Variants in ANKRD29 observed in about 807,000 individuals in gnomAD.
The protein encoded by ANKRD29 is ankyrin repeat domain 29.
A neutral mutation model predicts 38.0 loss-of-function variants in ANKRD29; 32 were observed. The ratio of observed to expected loss-of-function variants is 0.84; its 90% CI spans 0.64 to 1.13. The LOEUF (loss-of-function observed/expected upper bound fraction) is 1.13, where lower values mean the gene tolerates loss of function less well. Among genes scored for constraint, ANKRD29 ranks in the 50% most tolerant of loss-of-function variants. The pLI is 0.00. For missense variants in ANKRD29, 357 were observed against 377.9 expected (o/e 0.94, Z 0.46); for synonymous variants, 135 against 152.4 (o/e 0.89, Z 0.84).
intron 2 of ANKRD29, 160 bp from the exon 3 acceptor site, chr18:23,646,447 C>A (rs2060141727): frequency 5.9e-6 from 3 of 512,326 alleles, no homozygotes; most frequent in South Asian, 6.7e-5. Flanking sequence ...CATCATGCAG[C>A]CTAGATGGGA....
At chr18:23,635,870 C>T (rs1289423052) in intron 4 of ANKRD29, among the ~76,000 whole-genome samples, 1 of 152,090 alleles carries the variant, frequency 6.6e-6, no homozygotes, top group East Asian at 1.9e-4. Context: ...AGTGCTTCCC[C>T]AGAGGCAGGC....
chr18:23,650,638 C>G (rs1247970244), intron 1 of ANKRD29, among the ~76,000 whole-genome samples: 1 of 152,148 alleles, frequency 6.6e-6, no homozygotes, highest in African/African-American at 2.4e-5. Context: ...ACAGCTCACC[C>G]CAGCCCTGCA....
intron 4 of ANKRD29, 144 bp from the exon 5 acceptor site, chr18:23,634,293 T>G (rs1450131498): frequency 6.5e-6 from 3 of 462,846 alleles, no homozygotes; most frequent in South Asian, 2.7e-5. Flanking sequence ...TTTTTTTTTT[T>G]TTTTTTTTTT....
chr18:23,655,331 G>A (rs1480521150), intron 1 of ANKRD29, among the ~76,000 whole-genome samples: 1 of 152,038 alleles, frequency 6.6e-6, no homozygotes, highest in African/African-American at 2.4e-5. Flanking sequence ...TTAAAATATA[G>A]TTCATAAGAT....
At chr18:23,650,596 C>T (rs1405673588) in intron 1 of ANKRD29, among the ~76,000 whole-genome samples, 1 of 152,146 alleles carries the variant, frequency 6.6e-6, no homozygotes, top group Non-Finnish European at 1.5e-5. Context: ...AGAGAACAGT[C>T]GACGAGAGGG....
At chr18:23,615,621 A>G (rs951063205) in intron 8 of ANKRD29, among the ~76,000 whole-genome samples, 10 of 151,890 alleles carry the variant, frequency 6.6e-5, no homozygotes, top group Non-Finnish European at 1.3e-4. Flanking sequence ...TATGTTGCCC[A>G]GGCTGGTTTG....
intron 6 of ANKRD29, among the ~76,000 whole-genome samples, chr18:23,627,469 G>GA (rs2059876058): frequency 6.6e-6 from 1 of 152,156 alleles, no homozygotes; most frequent in Non-Finnish European, 1.5e-5. Flanking sequence ...TCTTGAGGAA[G>GA]AAAAAACAGC....
intron 5 of ANKRD29, among the ~76,000 whole-genome samples, chr18:23,633,823 C>A (rs1307853473): frequency 6.6e-6 from 1 of 152,092 alleles, no homozygotes; most frequent in East Asian, 1.9e-4. Flanking sequence ...CCCACCTCGG[C>A]CTCCCAAAGT....
chr18:23,641,767 C>T lies in ANKRD29; in HGVS notation c.232-2820G>A, dbSNP rs112694118. On this transcript the variant is annotated intron_variant, in intron 3 of 9. Coordinates refer to ENST00000592179, the MANE Select transcript of ANKRD29 (RefSeq NM_173505.4). ...AGCCAGATTCAAAAAGATGTCCCGACTACCAGCTGCTGGAAGGATCTACCC... is the reference window on the plus strand; with the variant it reads ...AGCCAGATTCAAAAAGATGTCCCGATTACCAGCTGCTGGAAGGATCTACCC... 4.4e-3 allele frequency among the ~76,000 whole-genome samples: 670 copies of T among 152,350 alleles called. 6 individuals are homozygous for T. Among genetic ancestry groups the T allele is most frequent in the African/African-American group, 0.014 (572 of 41,586 alleles).
At chr18:23,619,864 C>T (rs2059774361) in intron 6 of ANKRD29, 3 of 481,284 alleles carry the variant, frequency 6.2e-6, no homozygotes, top group African/African-American at 6.1e-5. Context: ...TGAATAATTG[C>T]CAGTATTCAA....
At chr18:23,641,812 C>T in intron 3 of ANKRD29, among the ~76,000 whole-genome samples, 1 of 152,252 alleles carries the variant, frequency 6.6e-6, no homozygotes, top group Admixed American at 6.5e-5. Context: ...CTCCTGTCCA[C>T]TGAGAGCAGG....
intron 6 of ANKRD29, among the ~76,000 whole-genome samples, chr18:23,628,825 C>T (rs1008688136): frequency 5.3e-5 from 6 of 112,362 alleles, no homozygotes; most frequent in South Asian, 6.3e-4. Flanking sequence ...CAGAGCAAGA[C>T]GCTGTCTCAA....
chr18:23,632,080 C>T (rs934962242), intron 5 of ANKRD29, among the ~76,000 whole-genome samples: 3 of 152,156 alleles, frequency 2.0e-5, no homozygotes, highest in African/African-American at 4.8e-5. Flanking sequence ...TTTCAGTGGG[C>T]GTCAGCAGAG....
chr18:23,634,893 C>T (rs1349639237), intron 4 of ANKRD29, among the ~76,000 whole-genome samples: 1 of 152,198 alleles, frequency 6.6e-6, no homozygotes, highest in Non-Finnish European at 1.5e-5. Flanking sequence ...TGTGATGTAA[C>T]CCAGTGGTAA....
Position 23,634,121 on chromosome 18 carries a change from C to A in ANKRD29, c.359G>T (p.Ser120Ile), listed in dbSNP as rs772760848. 1 of 1,614,200 alleles carries A rather than the reference C, an allele frequency of 6.2e-7. No individual in the cohort carries two copies. Among genetic ancestry groups the A allele is most frequent in the Admixed American group, 1.7e-5 (1 of 60,030 alleles). ...KDGGTALLAA[S>I]QYGHMQVVET... ...CACCACCTGCATGTGCCCGTACTGA[C>A]TGGCAGCCAACAGGGCGGTGCCCCC... The change falls in exon 5 of 10, where the codon AGT becomes ATT. Residue 120 changes from serine (S) to isoleucine (I), a missense_variant. Physicochemically the swap from Ser to Ile is moderately radical, Grantham distance 142. Transcript: ENST00000592179.
chr18:23,609,578 G>C (rs1407181532), intron 9 of ANKRD29, among the ~76,000 whole-genome samples: 4 of 152,198 alleles, frequency 2.6e-5, no homozygotes, highest in Non-Finnish European at 5.9e-5. Flanking sequence ...GGTTACACTT[G>C]CTTGGATTCA....
chr18:23,649,128 C>T lies in ANKRD29; in HGVS notation c.87G>A (p.Lys29=), dbSNP rs1422351873. Residue 29 remains lysine, a synonymous_variant, in exon 2 of 10, where the codon AAG becomes AAA. Coordinates refer to ENST00000592179, the MANE Select transcript of ANKRD29 (RefSeq NM_173505.4). ...CCACCCGGCCGCTGTTCAACAGCAG[C>T]TTCAGCAGCGCCAGGTTTCCTCTCC... The part of the protein sequence containing the change: ...AARRGNLALL[K]LLLNSGRVDV... 1 of 1,614,218 alleles carries T rather than the reference C, an allele frequency of 6.2e-7. No individual in the cohort carries two copies. The highest frequency in any genetic ancestry group is 1.7e-5 in the Admixed American group (1 of 60,030).
intron 3 of ANKRD29, among the ~76,000 whole-genome samples, chr18:23,643,492 ATAGGCTTTCTTG>A (rs1174072154): frequency 1.3e-5 from 2 of 152,232 alleles, no homozygotes; most frequent in African/African-American, 4.8e-5. Flanking sequence ...TTGCTTTTCA[ATAGGCTTTCTTG>A]GTACATTAAT....
At chr18:23,627,544 C>A (rs76162671) in intron 6 of ANKRD29, among the ~76,000 whole-genome samples, 3 of 152,118 alleles carry the variant, frequency 2.0e-5, no homozygotes, top group African/African-American at 7.2e-5. Context: ...TTCAACATCA[C>A]GGCATGACTC....
Sources: gnomAD v4.1 joint callset for allele counts (sites outside exome capture counted in the v4.1 genomes callset) on GRCh38, gnomAD v4.1.1 for gene constraint, MANE v1.5 for transcripts, NCBI Gene and HGNC (gene_info 2026-07-23, HGNC 2026-07-21) for gene names.